The following CARS1 variants were observed in gnomAD, a reference collection of about 807,000 sequenced individuals.
CARS1 encodes the protein cysteinyl-tRNA synthetase 1.
CARS1 carries 48 observed loss-of-function variants against 106.2 expected under a neutral mutation model. The observed-to-expected ratio is 0.45, with a 90% CI of 0.36 to 0.57. CARS1 has a LOEUF of 0.57. CARS1 is among the 20% of genes least tolerant of loss of function. CARS1 has a pLI of 0.00. For missense variants in CARS1, 968 were observed against 1,057.2 expected, an observed-to-expected ratio of 0.92 and a Z score of 1.17; for synonymous variants, 409 against 403.4, an observed-to-expected ratio of 1.01 and a Z score of -0.17.
At position 3,012,179 on chromosome 11, in the gene CARS1, A is replaced by C. The variant is rs1429714971; in HGVS notation, c.2068+16T>G. 1 of 1,612,310 alleles carries C rather than the reference A, an allele frequency of 6.2e-7. No individual in the cohort carries two copies. Among genetic ancestry groups the C allele is most frequent in the Non-Finnish European group, 8.5e-7 (1 of 1,178,448 alleles). On this transcript the variant is annotated intron_variant, in intron 18 of 22. Transcript: ENST00000380525. ...GGGGAGTGGCTCCCACACTCTTTCC[A>C]GCAACTGGTCCTCACCTTTTTGCTC...
intron 7 of CARS1, among the ~76,000 whole-genome samples, chr11:3,036,285 C>T (rs1469649890): frequency 6.6e-6 from 1 of 152,170 alleles, no homozygotes; most frequent in African/African-American, 2.4e-5. Context: ...TTCTAGGGCC[C>T]CAGAATGTGT....
In CARS1 at chr11:3,020,441, TTC is replaced by T; in HGVS notation, c.1154-111_1154-110del. 2 of 673,724 alleles carry T rather than the reference TTC, an allele frequency of 3.0e-6. No individual in the cohort carries two copies. Among genetic ancestry groups the T allele is most frequent in the Non-Finnish European group, 5.4e-6 (2 of 368,816 alleles). 41.7% of individuals were successfully genotyped at this position (673,724 alleles called of 1,614,324 possible). The stretch of plus-strand genomic sequence containing the variant: ...CTAATGGGCAGTCCTTCTGACTAAC[TTC>T]TGTTTATTAACTTGGCTCAAGCATT... On this transcript the variant is annotated intron_variant, in intron 10 of 22. Coordinates refer to ENST00000380525, the MANE Select transcript of CARS1 (RefSeq NM_001014437.3). This position sits in a 1 kb window ranked among gnomAD's most constrained non-coding sequence, Gnocchi z 4.6.
rs151287768 is a variant in CARS1, at chr11:3,010,401, G to A, written c.2068+1794C>T. ...CCAAGCCCACGACCCCAGCGATGCC[G>A]CTAAGTTAGTGCTGCCAAGATTGCT... On this transcript the variant is annotated intron_variant, in intron 18 of 22. Coordinates refer to ENST00000380525, the MANE Select transcript of CARS1 (RefSeq NM_001014437.3). Among the ~76,000 whole-genome samples, 267 of 152,376 alleles carry A rather than the reference G, an allele frequency of 1.8e-3. 2 individuals are homozygous for A. Among genetic ancestry groups the A allele is most frequent in the African/African-American group, 6.1e-3 (253 of 41,592 alleles).
intron 1 of CARS1, among the ~76,000 whole-genome samples, chr11:3,051,274 T>G (rs889465513): frequency 3.9e-5 from 6 of 152,148 alleles, no homozygotes; most frequent in African/African-American, 1.4e-4. Flanking sequence ...AAGACAGGGG[T>G]GGACTCTGGC....
At chr11:3,036,620 C>T (rs1410087522) in intron 7 of CARS1, among the ~76,000 whole-genome samples, 5 of 152,186 alleles carry the variant, frequency 3.3e-5, no homozygotes, top group African/African-American at 1.2e-4. Context: ...ACGGTGGTTA[C>T]GCAGAATATC....
chr11:3,035,294 T>C (rs190318578), intron 7 of CARS1, among the ~76,000 whole-genome samples: 19 of 152,186 alleles, frequency 1.2e-4, no homozygotes, highest in African/African-American at 4.6e-4. Flanking sequence ...GAATCACAGC[T>C]GGAAGCAAGC....
At position 3,050,359 on chromosome 11, in the gene CARS1, G is replaced by T. The variant is rs373363740; in HGVS notation, c.26-2358C>A. Among the ~76,000 whole-genome samples the T allele has an allele frequency of 3.3e-5, 5 of 152,130 alleles. No homozygotes were observed. In the East Asian group the frequency reaches 7.7e-4, roughly 23 times the overall value. ...GCAGCCACAGGCACCCAGAAGCAAA[G>T]CTCTGGGCACACTCCCTAGCCAAAA... On this transcript the variant is annotated intron_variant, in intron 1 of 22. Transcript: ENST00000380525. The surrounding 1 kb of genome is among the most constrained non-coding windows in gnomAD (Gnocchi z 6.3).
In CARS1 at chr11:3,044,691, G is replaced by A. The variant is rs1043507424; in HGVS notation, c.275-2435C>T. Among the ~76,000 whole-genome samples the A allele has an allele frequency of 2.6e-5, 4 of 152,120 alleles. No individual in the cohort carries two copies. Among genetic ancestry groups the A allele is most frequent in the African/African-American group, 9.7e-5 (4 of 41,424 alleles). ...ATTACAGGTGTGAGCCACCGCGCCT[G>A]GCCTGTGCTTTTGTTTCTTTGGAAA... On this transcript the variant is annotated intron_variant, in intron 2 of 22. Coordinates refer to ENST00000380525, the MANE Select transcript of CARS1 (RefSeq NM_001014437.3). This position sits in a 1 kb window ranked among gnomAD's most constrained non-coding sequence, Gnocchi z 4.4.
At chr11:3,024,014 T>A (rs1851813630) in intron 10 of CARS1, among the ~76,000 whole-genome samples, 2 of 152,172 alleles carry the variant, frequency 1.3e-5, no homozygotes, top group African/African-American at 4.8e-5. Context: ...TGCCTCAGCC[T>A]CCCGAGTAGC....
At chr11:3,015,345 G>C (rs1850880456) in intron 17 of CARS1, among the ~76,000 whole-genome samples, 1 of 152,264 alleles carries the variant, frequency 6.6e-6, no homozygotes, top group Admixed American at 6.5e-5. Context: ...TGGGGACCGA[G>C]GCAGACAGTG....
At chr11:3,013,130 T>A (rs565573412) in intron 17 of CARS1, among the ~76,000 whole-genome samples, 2 of 151,662 alleles carry the variant, frequency 1.3e-5, no homozygotes, top group South Asian at 2.1e-4. Context: ...CCTTGTGATC[T>A]GCCCGCCTTG....
Position 3,020,238 on chromosome 11 carries a change from C to A in CARS1, c.1248G>T (p.Trp416Cys). Residue 416 changes from tryptophan (W) to cysteine (C), a missense_variant, in exon 11 of 23, where the codon TGG becomes TGT. Physicochemically the swap from Trp to Cys is radical, Grantham distance 215 (BLOSUM62 -2). Transcript: ENST00000380525. The surrounding 1 kb of genome is among the most constrained non-coding windows in gnomAD (Gnocchi z 4.6). ...CGCTCACCTTTCCCCAAGGGCACGG[C>A]CAGGACGGTTCTCCGGGCTTAGAGG... is the stretch of plus-strand genomic sequence containing the variant. ...WKASKPGEPS[W>C]PCPWGKGRPG... The A allele has an allele frequency of 6.2e-7, 1 of 1,610,192 alleles. No individual in the cohort carries two copies. Among genetic ancestry groups the A allele is most frequent in the Non-Finnish European group, 8.5e-7 (1 of 1,176,370 alleles).
chr11:3,015,769 C>T lies in CARS1; in HGVS notation c.1986+12G>A. The T allele has an allele frequency of 8.1e-6, 13 of 1,613,238 alleles. No homozygotes were observed. The highest frequency in any genetic ancestry group is 1.3e-5 in the African/African-American group (1 of 75,044). ...AGCAGGTGCAGAAGGCAGGACCCTG[C>T]ATGCTACTCACACTGAGGCTGGTTC... On this transcript the variant is annotated intron_variant, in intron 17 of 22. Transcript: ENST00000380525.
In CARS1 at chr11:3,013,016, A is replaced by C. The variant is rs1182943516; in HGVS notation, c.1987-740T>G. On this transcript the variant is annotated intron_variant, in intron 17 of 22. Transcript: ENST00000380525. ...GCGATTCACCTGCCTCAGCCTCCCG[A>C]GTAGCTGGGATTACAGGCAAGCGCC... Among the ~76,000 whole-genome samples, 265 of 122,590 alleles carry C rather than the reference A, an allele frequency of 2.2e-3. No homozygotes were observed. The Middle Eastern group carries it at 0.025, about 11-fold the overall frequency. The allele number at this position is 122,590 out of a possible 152,430, so 80.4% of individuals were successfully genotyped here.
At chr11:3,018,122 C>T (rs10833079) in intron 14 of CARS1, 168 bp from the exon 15 acceptor site, 560,424 of 621,598 alleles carry the variant, frequency 0.9, 252,866 homozygotes, top group African/African-American at 0.96. Flanking sequence ...CAGAAACATG[C>T]TCTTGCTTTA....
rs757601294 is a variant in CARS1 at position 3,017,927 on chromosome 11, G to A, written c.1657C>T (p.Leu553Phe). 1.9e-5 allele frequency: 30 copies of A among 1,613,594 alleles called. No homozygotes were observed. The highest frequency in any genetic ancestry group is 2.4e-5 in the Non-Finnish European group (28 of 1,179,676). The change falls in exon 15 of 23, where the codon CTT becomes TTT. Residue 553 changes from leucine (L) to phenylalanine (F), a missense_variant. Coordinates refer to ENST00000380525, the MANE Select transcript of CARS1 (RefSeq NM_001014437.3). The surrounding 1 kb of genome is among the most constrained non-coding windows in gnomAD (Gnocchi z 4.9). Reference sequence around the variant, plus strand: ...CCAGTGATGTCAACAGGAGCGCGAAGGATATCTTTCACATTTAAGAAAAAC... The same window carrying A: ...CCAGTGATGTCAACAGGAGCGCGAAAGATATCTTTCACATTTAAGAAAAAC... ...NEFFLNVKDI[L>F]RAPVDITGQF...
In CARS1 at chr11:3,024,620, A is replaced by T. The variant is rs147604115; in HGVS notation, c.1153+2056T>A. Among the ~76,000 whole-genome samples, 1,277 of 152,004 alleles carry T rather than the reference A, an allele frequency of 8.4e-3. 21 individuals are homozygous for T. The highest frequency in any genetic ancestry group is 0.029 in the African/African-American group (1,212 of 41,462). ...GTGCCACCACACCCAGCTCATTTTTAAATTTTTTGTAGAAAGGGGGTCTCC... is the reference window on the plus strand; with the variant it reads ...GTGCCACCACACCCAGCTCATTTTTTAATTTTTTGTAGAAAGGGGGTCTCC... On this transcript the variant is annotated intron_variant, in intron 10 of 22. Transcript: ENST00000380525.
chr11:3,032,393 T>C (rs1039279745), intron 7 of CARS1, among the ~76,000 whole-genome samples: 1 of 152,016 alleles, frequency 6.6e-6, no homozygotes, highest in African/African-American at 2.4e-5. Flanking sequence ...GTCAGAAGTA[T>C]AGGTAACAAA....
In CARS1 at chr11:3,029,130, C is replaced by G; in HGVS notation, c.943-46G>C. ...TCCTGGGATTTTCCCTTCTGAAAAC[C>G]ACGCGCTCCATAAAAACGTTCCCAA... On this transcript the variant is annotated intron_variant, in intron 8 of 22. Coordinates refer to ENST00000380525, the MANE Select transcript of CARS1 (RefSeq NM_001014437.3). This position sits in a 1 kb window ranked among gnomAD's most constrained non-coding sequence, Gnocchi z 5.9. 2 of 1,493,712 alleles carry G rather than the reference C, an allele frequency of 1.3e-6. No individual in the cohort carries two copies. The highest frequency in any genetic ancestry group is 1.9e-6 in the Non-Finnish European group (2 of 1,071,118). The allele number at this position is 1,493,712 out of a possible 1,614,324, so 92.5% of individuals were successfully genotyped here. A position where few individuals can be genotyped will look rare whatever the true frequency, so the allele number is the denominator to read the frequency against.
Sources: gnomAD v4.1 joint callset for allele counts (sites outside exome capture counted in the v4.1 genomes callset) on GRCh38, gnomAD v4.1.1 for gene constraint, Gnocchi (gnomAD v3.1) non-coding constraint, MANE v1.5 for transcripts, NCBI Gene and HGNC (gene_info 2026-07-23, HGNC 2026-07-21) for gene names.